The following NMNAT1 variants were observed in gnomAD, a reference collection of about 807,000 sequenced individuals.
The protein encoded by NMNAT1 is nicotinamide nucleotide adenylyltransferase 1.
In NMNAT1, 11 loss-of-function variants were observed where a neutral mutation model predicts 16.7. The ratio of observed to expected loss-of-function variants is 0.66; its 90% confidence interval spans 0.41 to 1.09. The LOEUF (loss-of-function observed/expected upper bound fraction) is 1.09. NMNAT1 is among the 50% of genes least tolerant of loss of function. The pLI is 0.00. For synonymous variants in NMNAT1, 110 were observed against 119.8 expected, an observed-to-expected ratio of 0.92 and a Z score of 0.53; for missense variants, 280 against 332.3, an observed-to-expected ratio of 0.84 and a Z score of 1.22.
chr1:9,975,681 A>G lies in NMNAT1; in HGVS notation c.205A>G (p.Met69Val), dbSNP rs372066126. The G allele has an allele frequency of 1.1e-5, 18 of 1,613,958 alleles. No homozygotes were observed. The highest frequency in any genetic ancestry group is 4.5e-5 in the East Asian group (2 of 44,886). Residue 69 changes from methionine to valine, a missense_variant, in exon 3 of 5, where the codon ATG (methionine) becomes GTG (valine). Met to Val is a conservative substitution (Grantham distance 21). Coordinates refer to ENST00000377205, the MANE Select transcript of NMNAT1 (RefSeq NM_022787.4). The stretch of plus-strand genomic sequence containing the variant: ...CATTCCTGCCTATCACCGGGTCATC[A>G]TGGCAGAACTTGCTACCAAGAATTC... ...GLIPAYHRVI[M>V]AELATKNSKW...
the NMNAT1 span, among the ~76,000 whole-genome samples, chr1:9,996,321 A>G: frequency 1.7e-4 from 25 of 150,488 alleles, no homozygotes; most frequent in Admixed American, 6.6e-4. Flanking sequence ...AAAAAAAAAA[A>G]AAAAAGAAAA....
intron 2 of NMNAT1, among the ~76,000 whole-genome samples, chr1:9,974,224 T>G (rs926749846): frequency 5.7e-4 from 87 of 151,938 alleles, no homozygotes; most frequent in African/African-American, 2.0e-3. Context: ...CAGATTTTTT[T>G]TTTTTTTTGT....
At chr1:9,954,929 CA>C (rs70998330) in intron 1 of NMNAT1, among the ~76,000 whole-genome samples, 91,596 of 138,328 alleles carry the variant, frequency 0.66, 33,312 homozygotes, top group Non-Finnish European at 0.84. Flanking sequence ...GACTCCATCT[CA>C]AAAAAAAAAA....
At chr1:9,962,511 C>T (rs949032325) in intron 1 of NMNAT1, among the ~76,000 whole-genome samples, 2 of 150,908 alleles carry the variant, frequency 1.3e-5, no homozygotes, top group East Asian at 3.9e-4. Flanking sequence ...AGCTACCATT[C>T]ATTTTAACAC....
chr1:9,946,115 T>C (rs1322778536), intron 1 of NMNAT1, among the ~76,000 whole-genome samples: 1 of 152,224 alleles, frequency 6.6e-6, no homozygotes, highest in Non-Finnish European at 1.5e-5. Context: ...AGTTTTAGCG[T>C]GTGCAGTCTT....
At chr1:9,986,439 C>T (rs1397136505), downstream of NMNAT1, among the ~76,000 whole-genome samples, 2 of 152,190 alleles carry the variant, frequency 1.3e-5, no homozygotes, top group Admixed American at 1.3e-4. Context: ...CTAGCGCCGG[C>T]GTGGTGGCTC....
chr1:9,963,240 G>T (rs1641466805), intron 1 of NMNAT1, among the ~76,000 whole-genome samples: 1 of 152,042 alleles, frequency 6.6e-6, no homozygotes, highest in Admixed American at 6.6e-5. Flanking sequence ...TCCACTGACA[G>T]CATAAAATCT....
chr1:9,955,496 T>C (rs1641237434), intron 1 of NMNAT1, among the ~76,000 whole-genome samples: 1 of 151,270 alleles, frequency 6.6e-6, no homozygotes, highest in Non-Finnish European at 1.5e-5. Context: ...TTGCAGCTAC[T>C]AGGGAGGCTG....
chr1:9,987,894 C>A (rs1642064920), downstream of NMNAT1, among the ~76,000 whole-genome samples: 1 of 152,114 alleles, frequency 6.6e-6, no homozygotes, highest in Non-Finnish European at 1.5e-5. Flanking sequence ...TCCAGCCACA[C>A]TTTTGTTGAG....
intron 1 of NMNAT1, among the ~76,000 whole-genome samples, chr1:9,959,296 C>G: frequency 7.5e-6 from 1 of 133,008 alleles, no homozygotes; most frequent in East Asian, 2.5e-4. Flanking sequence ...CGCTTGAACC[C>G]GGGAGGCAGA....
chr1:9,966,321 A>G (rs1433317453), intron 1 of NMNAT1, among the ~76,000 whole-genome samples: 1 of 151,506 alleles, frequency 6.6e-6, no homozygotes, highest in Non-Finnish European at 1.5e-5. Context: ...AATTATTTAT[A>G]AATATTATTG....
chr1:9,976,209 C>T (rs1641809921), intron 3 of NMNAT1, among the ~76,000 whole-genome samples: 1 of 151,724 alleles, frequency 6.6e-6, no homozygotes, highest in South Asian at 2.1e-4. Flanking sequence ...TACACTTGAA[C>T]CCCGGGGATG....
At chr1:9,990,327 G>A (rs1270120064), downstream of NMNAT1, among the ~76,000 whole-genome samples, 1 of 152,164 alleles carries the variant, frequency 6.6e-6, no homozygotes, top group Non-Finnish European at 1.5e-5. Context: ...TAAATCTAGT[G>A]CCCTTGAGTT....
At chr1:9,996,309 CAAAAAAAA>C in the NMNAT1 span, among the ~76,000 whole-genome samples, 5 of 101,916 alleles carry the variant, frequency 4.9e-5, no homozygotes, top group South Asian at 3.0e-4. Flanking sequence ...GACTCCGTCT[CAAAAAAAA>C]AAAAAAAAAG....
At chr1:9,985,551 G>A (rs991411614), downstream of NMNAT1, 2 of 152,232 alleles carry the variant, frequency 1.3e-5, no homozygotes, top group African/African-American at 4.8e-5. Context: ...CTCACGGAAG[G>A]ACTAGGCTGA....
At chr1:9,987,517 A>G (rs998397448), downstream of NMNAT1, among the ~76,000 whole-genome samples, 7 of 148,138 alleles carry the variant, frequency 4.7e-5, no homozygotes, top group Non-Finnish European at 1.1e-4. Context: ...GCGGGTGCCT[A>G]TAGTCCCAGC....
chr1:9,968,889 G>A (rs1325969582), intron 1 of NMNAT1, among the ~76,000 whole-genome samples: 3 of 148,216 alleles, frequency 2.0e-5, no homozygotes, highest in African/African-American at 5.0e-5. Flanking sequence ...GCAGTGAGCT[G>A]AGATCGTACC....
At chr1:9,969,854 C>T (rs759497309) in intron 1 of NMNAT1, among the ~76,000 whole-genome samples, 39 of 152,212 alleles carry the variant, frequency 2.6e-4, no homozygotes, top group South Asian at 4.1e-4. Context: ...CTGAATGTTA[C>T]AAGTTTCCAG....
chr1:9,981,240 A>AT (rs747818869), intron 4 of NMNAT1, 70 bp downstream of exon 4: 12,573 of 1,353,384 alleles, frequency 9.3e-3, no homozygotes, highest in East Asian at 0.014. Flanking sequence ...ACCCCTGTGT[A>AT]TTTTTTTTTT....
Sources: allele counts gnomAD v4.1 joint callset (sites outside exome capture counted in the v4.1 genomes callset), GRCh38; gene constraint gnomAD v4.1.1; transcripts MANE v1.5; gene names NCBI Gene and HGNC (gene_info 2026-07-23, HGNC 2026-07-21).